CLTCL1: variants seen among roughly 807,000 people sequenced by gnomAD.
CLTCL1 encodes the protein clathrin heavy chain 2.
In CLTCL1, 159 loss-of-function variants were observed where a neutral mutation model predicts 190.0. The observed-to-expected ratio is 0.84, with a 90% CI of 0.74 to 0.95. The LOEUF (loss-of-function observed/expected upper bound fraction) is 0.95, where lower values mean the gene tolerates loss of function less well. Among genes scored for constraint, CLTCL1 ranks in the 40% least tolerant of loss-of-function variants. The pLI, the probability that CLTCL1 is intolerant of heterozygous loss-of-function variation, is 0.00. For synonymous variants in CLTCL1, 752 were observed against 769.6 expected (o/e 0.98, Z 0.38); for missense variants, 1,878 against 2,033.4 (o/e 0.92, Z 1.47).
intron 17 of CLTCL1, among the ~76,000 whole-genome samples, chr22:19,221,082 G>A (rs1209430502): frequency 6.6e-6 from 1 of 152,178 alleles, no homozygotes; most frequent in African/African-American, 2.4e-5. Context: ...AGTCCACAGA[G>A]GAGCTCACGA....
chr22:19,199,911 G>T, intron 23 of CLTCL1, 70 bp from the exon 24 acceptor site: 1 of 1,004,192 alleles, frequency 1.0e-6, no homozygotes. Context: ...GACTTACAAG[G>T]CACACAGTTG....
intron 3 of CLTCL1, among the ~76,000 whole-genome samples, chr22:19,245,383 G>A (rs536962019): frequency 1.1e-4 from 16 of 151,832 alleles, no homozygotes; most frequent in Admixed American, 7.2e-4. Flanking sequence ...TAATAGAGAG[G>A]GGGTTTCAGT....
At chr22:19,241,433 A>T (rs2086250766) in intron 4 of CLTCL1, among the ~76,000 whole-genome samples, 2 of 152,236 alleles carry the variant, frequency 1.3e-5, no homozygotes, top group Admixed American at 1.3e-4. Context: ...AACAAGGCTG[A>T]CACGTGACCC....
intron 11 of CLTCL1, among the ~76,000 whole-genome samples, chr22:19,227,018 G>A (rs2085767648): frequency 6.6e-6 from 1 of 151,930 alleles, no homozygotes; most frequent in Admixed American, 6.6e-5. Context: ...GATTATAGCC[G>A]TGAGCCACCG....
intron 10 of CLTCL1, 72 bp downstream of exon 10, chr22:19,232,404 A>G: frequency 6.3e-7 from 1 of 1,593,194 alleles, no homozygotes; most frequent in Non-Finnish European, 8.6e-7. Context: ...AGTTAACAGG[A>G]AACGAATCAA....
chr22:19,262,594 T>C (rs1321820540), intron 2 of CLTCL1, among the ~76,000 whole-genome samples: 4 of 147,840 alleles, frequency 2.7e-5, no homozygotes, highest in Non-Finnish European at 1.5e-5. Flanking sequence ...ATTGCACTAC[T>C]GCACTCCAGC....
intron 29 of CLTCL1, among the ~76,000 whole-genome samples, chr22:19,186,727 A>G (rs5993559): frequency 0.68 from 103,612 of 151,760 alleles, 36,859 homozygotes; most frequent in African/African-American, 0.87. Flanking sequence ...CAGCCTCCCA[A>G]GTAGCTGGGA....
At chr22:19,231,876 AG>A (rs1338116761) in intron 10 of CLTCL1, among the ~76,000 whole-genome samples, 1 of 152,212 alleles carries the variant, frequency 6.6e-6, no homozygotes, top group Admixed American at 6.5e-5. Context: ...GCAGATTCCC[AG>A]ATGTACAAAC....
At chr22:19,216,514 G>A (rs756180345) in intron 18 of CLTCL1, among the ~76,000 whole-genome samples, 6 of 152,214 alleles carry the variant, frequency 3.9e-5, no homozygotes, top group Non-Finnish European at 8.8e-5. Context: ...CAGTGCACCA[G>A]GCATTTTGAA....
intron 1 of CLTCL1, among the ~76,000 whole-genome samples, chr22:19,285,821 C>T (rs2087887312): frequency 6.6e-6 from 1 of 152,118 alleles, no homozygotes; most frequent in African/African-American, 2.4e-5. Flanking sequence ...GCAACTACTA[C>T]CCTAGGGAAT....
At chr22:19,187,329 A>G (rs2084346238) in intron 29 of CLTCL1, among the ~76,000 whole-genome samples, 1 of 150,734 alleles carries the variant, frequency 6.6e-6, no homozygotes. Flanking sequence ...AAACTCTACA[A>G]GTCTTTCAAT....
At chr22:19,185,999 C>A (rs2084303755) in intron 29 of CLTCL1, among the ~76,000 whole-genome samples, 1 of 152,172 alleles carries the variant, frequency 6.6e-6, no homozygotes, top group African/African-American at 2.4e-5. Flanking sequence ...AGCACTGTCA[C>A]CAAGGGCTAG....
intron 1 of CLTCL1, among the ~76,000 whole-genome samples, chr22:19,282,887 TAGAC>T (rs1443453816): frequency 1.1e-4 from 16 of 149,584 alleles, no homozygotes; most frequent in Admixed American, 2.7e-4. Flanking sequence ...TTTTTTTTTT[TAGAC>T]AGAGTCTTAC....
At chr22:19,272,340 C>T (rs1224677485) in intron 2 of CLTCL1, among the ~76,000 whole-genome samples, 1 of 152,174 alleles carries the variant, frequency 6.6e-6, no homozygotes, top group African/African-American at 2.4e-5. Context: ...GAATCTGCTC[C>T]AGGCTTCTCC....
chr22:19,259,809 G>A (rs1174333123), intron 2 of CLTCL1, among the ~76,000 whole-genome samples: 1 of 152,092 alleles, frequency 6.6e-6, no homozygotes, highest in South Asian at 2.1e-4. Context: ...AGAGTCCTAC[G>A]TCTCTCACTT....
In CLTCL1 at chr22:19,234,315, C is replaced by T. The variant is rs148645769; in HGVS notation, c.1167+194G>A. Among the ~76,000 whole-genome samples, 435 of 152,246 alleles carry T rather than the reference C, an allele frequency of 2.9e-3. 4 individuals are homozygous for T. Among genetic ancestry groups the T allele is most frequent in the African/African-American group, 9.5e-3 (393 of 41,540 alleles). On this transcript the variant is annotated intron_variant, in intron 7 of 32. Coordinates refer to ENST00000427926, the MANE Select transcript of CLTCL1 (RefSeq NM_007098.4). ...CAAAGTGGGAGGCGTGAAGAAGTGC[C>T]GATGCAGCAAGAGTGTGTTTTTTGT...
chr22:19,214,720 A>G (rs2085332032), intron 19 of CLTCL1, among the ~76,000 whole-genome samples: 1 of 145,318 alleles, frequency 6.9e-6, no homozygotes, highest in African/African-American at 2.6e-5. Flanking sequence ...TCGCTCTGTC[A>G]CCCAGGCTAG....
At chr22:19,232,744 C>T in intron 9 of CLTCL1, 146 bp from the exon 10 acceptor site, 1 of 982,250 alleles carries the variant, frequency 1.0e-6, no homozygotes, top group South Asian at 1.7e-5. Context: ...TTCTGCCAAA[C>T]ACAATATCCA....
At chr22:19,257,939 A>C (rs781979027) in intron 2 of CLTCL1, 34 of 972,668 alleles carry the variant, frequency 3.5e-5, no homozygotes, top group East Asian at 4.6e-5. Flanking sequence ...GATGGCTCAG[A>C]TCTTTGCAAA....
Sources: gnomAD v4.1 joint callset for allele counts (sites outside exome capture counted in the v4.1 genomes callset) on GRCh38, gnomAD v4.1.1 for gene constraint, MANE v1.5 for transcripts, NCBI Gene and HGNC (gene_info 2026-07-23, HGNC 2026-07-21) for gene names.